Variants in TSPAN11 observed in about 807,000 individuals in gnomAD.
The protein encoded by TSPAN11 is tetraspanin-11.
In TSPAN11, 29 loss-of-function variants were observed where a neutral mutation model predicts 32.9. The ratio of observed to expected loss-of-function variants is 0.88; its 90% CI spans 0.66 to 1.20. TSPAN11 has a LOEUF of 1.20. Among genes scored for constraint, TSPAN11 ranks in the 50% most tolerant of loss-of-function variants. The pLI is 0.00. For synonymous variants in TSPAN11, 140 were observed against 141.3 expected, an observed-to-expected ratio of 0.99 and a Z score of 0.07; for missense variants, 283 against 329.1, an observed-to-expected ratio of 0.86 and a Z score of 1.08.
chr12:30,941,356 A>G (rs544115783), intron 1 of TSPAN11, among the ~76,000 whole-genome samples: 64 of 152,374 alleles, frequency 4.2e-4, no homozygotes, highest in East Asian at 2.9e-3. Flanking sequence ...TGCATGGTAC[A>G]TGATAAACAC....
chr12:30,949,924 C>T (rs896668912), intron 1 of TSPAN11, among the ~76,000 whole-genome samples: 1 of 152,058 alleles, frequency 6.6e-6, no homozygotes, highest in African/African-American at 2.4e-5. Context: ...TCTCCTTCTA[C>T]CCTCCCCCTC....
intron 3 of TSPAN11, among the ~76,000 whole-genome samples, chr12:30,970,160 C>T (rs1938818664): frequency 6.6e-6 from 1 of 152,184 alleles, no homozygotes; most frequent in Non-Finnish European, 1.5e-5. Flanking sequence ...CAATTGGTCA[C>T]TTTCCTCATG....
chr12:30,942,288 A>T (rs549040453), intron 1 of TSPAN11, among the ~76,000 whole-genome samples: 1 of 152,340 alleles, frequency 6.6e-6, no homozygotes, highest in Admixed American at 6.5e-5. Flanking sequence ...CACAGCCACC[A>T]TGCAAGGGAG....
intron 7 of TSPAN11, among the ~76,000 whole-genome samples, chr12:30,990,762 G>C (rs764739775): frequency 2.0e-5 from 3 of 152,200 alleles, no homozygotes; most frequent in African/African-American, 7.2e-5. Context: ...GGTTTGCACC[G>C]GCAAGGTCAG....
intron 1 of TSPAN11, among the ~76,000 whole-genome samples, chr12:30,937,930 A>G (rs1007641407): frequency 6.6e-6 from 1 of 152,224 alleles, no homozygotes; most frequent in East Asian, 1.9e-4. Context: ...CTGGAAAGGG[A>G]AAGATTGTGG....
At chr12:30,942,689 T>C (rs151186441) in intron 1 of TSPAN11, among the ~76,000 whole-genome samples, 112 of 147,138 alleles carry the variant, frequency 7.6e-4, no homozygotes, top group African/African-American at 2.6e-3. Flanking sequence ...GAGTCCTGAC[T>C]AAGACATGGA....
Position 30,978,559 on chromosome 12 carries a change from A to G in TSPAN11, c.277-2A>G, listed in dbSNP as rs557951902. 7 of 1,614,178 alleles carry G rather than the reference A, an allele frequency of 4.3e-6. No homozygotes were observed. In the South Asian group the frequency reaches 7.7e-5, roughly 18 times the overall value. On this transcript the variant is annotated splice_acceptor_variant, in intron 3 of 7. Coordinates refer to ENST00000546076, the MANE Select transcript of TSPAN11 (RefSeq NM_001370302.1). LOFTEE classifies it high-confidence loss of function. ...GTGACCGTCCTCTCTCTTTGCTGCT[A>G]GTATTTCTGCCTGTTGCTCGTCATC...
chr12:31,004,413 C>A, the TSPAN11 span, among the ~76,000 whole-genome samples: 1 of 152,112 alleles, frequency 6.6e-6, no homozygotes, highest in Non-Finnish European at 1.5e-5. Context: ...TGCCACCCAC[C>A]CACTGCTGAT....
intron 2 of TSPAN11, among the ~76,000 whole-genome samples, chr12:30,962,812 A>C (rs555815278): frequency 7.9e-5 from 12 of 152,178 alleles, no homozygotes; most frequent in Non-Finnish European, 1.8e-4. Flanking sequence ...CCAGGAGCAG[A>C]TGGCAGAGAC....
the TSPAN11 span, among the ~76,000 whole-genome samples, chr12:31,002,323 C>T: frequency 6.6e-6 from 1 of 152,180 alleles, no homozygotes; most frequent in Non-Finnish European, 1.5e-5. This position sits in a 1 kb window ranked among gnomAD's most constrained non-coding sequence, Gnocchi z 4.8. Context: ...TCAAGATGCC[C>T]ACTTCCAACT....
intron 1 of TSPAN11, among the ~76,000 whole-genome samples, chr12:30,939,951 T>C (rs930930753): frequency 1.3e-5 from 2 of 152,218 alleles, no homozygotes; most frequent in Non-Finnish European, 2.9e-5. Flanking sequence ...TCTGTATCTC[T>C]CATCTGAGGC....
At position 30,960,866 on chromosome 12, in the gene TSPAN11, CCCT is replaced by C. The variant is rs548361712; in HGVS notation, c.85-2959_85-2957del. On this transcript the variant is annotated intron_variant, in intron 2 of 7. Transcript: ENST00000546076. Reference sequence around the variant, plus strand: ...CCAGCCTGACCAACTTGATGAAACCCCCTTTCTACTAAGGATACAAAAATTAGC... The same window carrying C: ...CCAGCCTGACCAACTTGATGAAACCCTTCTACTAAGGATACAAAAATTAGC... Among the ~76,000 whole-genome samples the C allele has an allele frequency of 8.0e-4, 122 of 151,820 alleles. 2 individuals carry two copies. Among genetic ancestry groups the C allele is most frequent in the African/African-American group, 2.9e-3 (118 of 41,224 alleles).
At chr12:30,989,444 T>C (rs1939267304) in intron 7 of TSPAN11, among the ~76,000 whole-genome samples, 1 of 152,138 alleles carries the variant, frequency 6.6e-6, no homozygotes, top group South Asian at 2.1e-4. Flanking sequence ...ATTGGGGTGT[T>C]GGAAGGACTG....
chr12:30,928,895 C>T (rs1290661432), intron 1 of TSPAN11, among the ~76,000 whole-genome samples: 1 of 152,226 alleles, frequency 6.6e-6, no homozygotes, highest in Non-Finnish European at 1.5e-5. Flanking sequence ...TGTGAGCTCA[C>T]CAAAAGCGGG....
chr12:30,939,357 T>A (rs1399403108), intron 1 of TSPAN11, among the ~76,000 whole-genome samples: 3 of 151,994 alleles, frequency 2.0e-5, no homozygotes, highest in Non-Finnish European at 4.4e-5. Flanking sequence ...GGGGCTGGGT[T>A]TTTTACTACT....
intron 2 of TSPAN11, among the ~76,000 whole-genome samples, chr12:30,959,779 CAAAA>C (rs1169712019): frequency 1.0e-4 from 4 of 39,690 alleles, no homozygotes; most frequent in Admixed American, 2.4e-4. Flanking sequence ...GACTCTGTCT[CAAAA>C]AAAAAAAAAA....
At chr12:30,988,372 A>T (rs887262095) in intron 7 of TSPAN11, 1 of 152,120 alleles carries the variant, frequency 6.6e-6, no homozygotes. Context: ...GGGGGATCAC[A>T]AGGTCAGGAG....
rs1005735528 is a variant in TSPAN11 at position 30,984,215 on chromosome 12, A to G, written c.702+1065A>G. On this transcript the variant is annotated intron_variant, in intron 7 of 7. Transcript: ENST00000546076. ...CCTTCCCACTCCAGGGCTAAGCACC[A>G]TCTAGAGAAGGGGAGGAGCAGAGGC... is the stretch of plus-strand genomic sequence containing the variant. 4.6e-5 allele frequency among the ~76,000 whole-genome samples: 7 copies of G among 152,216 alleles called. No individual in the cohort carries two copies. The South Asian group carries it at 8.3e-4, about 18-fold the overall frequency.
chr12:31,002,979 G>A, the TSPAN11 span, among the ~76,000 whole-genome samples: 3 of 152,194 alleles, frequency 2.0e-5, no homozygotes, highest in African/African-American at 4.8e-5. This position sits in a 1 kb window ranked among gnomAD's most constrained non-coding sequence, Gnocchi z 4.8. Flanking sequence ...CCCGGAGGCA[G>A]TTCTCACCCC....
Sources: allele counts gnomAD v4.1 joint callset (sites outside exome capture counted in the v4.1 genomes callset), GRCh38; gene constraint gnomAD v4.1.1; non-coding constraint Gnocchi (gnomAD v3.1); transcripts MANE v1.5; gene names NCBI Gene and HGNC (gene_info 2026-07-23, HGNC 2026-07-21).